The following RPL17 variants were observed in gnomAD, a reference collection of about 807,000 sequenced individuals.
The protein encoded by RPL17 is large ribosomal subunit protein uL22.
In RPL17, 2 loss-of-function variants were observed where a neutral mutation model predicts 27.7. That is an observed-to-expected ratio of 0.07 (90% confidence interval 0.03 to 0.23). The LOEUF (loss-of-function observed/expected upper bound fraction) is 0.23. Ranked by LOEUF, RPL17 falls within the 10% of genes least tolerant of loss-of-function variation. The pLI is 1.00. For missense variants in RPL17, 141 were observed against 238.8 expected (o/e 0.59, Z 2.70); for synonymous variants, 76 against 75.5 (o/e 1.01, Z -0.03).
chr18:49,489,344 C>A lies in RPL17; in HGVS notation c.507+15G>T. Reference sequence around the variant, plus strand: ...TTCTACTATCACAAACAAAACCGAGCAACTACTTATTTACCTTTTTCTTCT... The same window carrying A: ...TTCTACTATCACAAACAAAACCGAGAAACTACTTATTTACCTTTTTCTTCT... On this transcript the variant is annotated intron_variant, in intron 6 of 6. Transcript: ENST00000580261. 1 of 1,613,664 alleles carries A rather than the reference C, an allele frequency of 6.2e-7. No homozygotes were observed. Among genetic ancestry groups the A allele is most frequent in the South Asian group, 1.1e-5 (1 of 91,048 alleles).
In RPL17 at chr18:49,489,343, G is replaced by C. The variant is rs747825273; in HGVS notation, c.507+16C>G. 1.2e-6 allele frequency: 2 copies of C among 1,613,608 alleles called. No individual in the cohort carries two copies. The highest frequency in any genetic ancestry group is 8.5e-7 in the Non-Finnish European group (1 of 1,179,684). On this transcript the variant is annotated intron_variant, in intron 6 of 6. Transcript: ENST00000580261. ...TTTCTACTATCACAAACAAAACCGAGCAACTACTTATTTACCTTTTTCTTC... is the reference window on the plus strand; with the variant it reads ...TTTCTACTATCACAAACAAAACCGACCAACTACTTATTTACCTTTTTCTTC...
At chr18:49,489,800 A>G (rs1178682372) in intron 5 of RPL17, among the ~76,000 whole-genome samples, 1 of 152,306 alleles carries the variant, frequency 6.6e-6, no homozygotes, top group East Asian at 1.9e-4. Context: ...GGCCTTCCCA[A>G]AGATCCTTAG....
chr18:49,490,332 A>C, intron 5 of RPL17, 122 bp downstream of exon 5: 1 of 1,051,832 alleles, frequency 9.5e-7, no homozygotes, highest in Non-Finnish European at 1.3e-6. Context: ...AACTGCAGGT[A>C]GAAATTTAAA....
At chr18:49,488,594 C>G in intron 6 of RPL17, 28 bp from the exon 7 acceptor site, 1 of 1,377,086 alleles carries the variant, frequency 7.3e-7, no homozygotes, top group Non-Finnish European at 1.0e-6. Context: ...TGTTAAGTTT[C>G]TTAGAGAAAA....
chr18:49,490,223 T>C, intron 5 of RPL17: 3 of 474,882 alleles, frequency 6.3e-6, no homozygotes, highest in South Asian at 2.6e-5. Context: ...TACTAAGTGT[T>C]AGGCTTAAAG....
intron 5 of RPL17, chr18:49,490,244 G>C: frequency 1.8e-6 from 1 of 549,396 alleles, no homozygotes; most frequent in Non-Finnish European, 3.2e-6. Flanking sequence ...AGACCACAGA[G>C]CACGCTTCTG....
At chr18:49,491,970 T>C (rs1319130700) in intron 1 of RPL17, 2 of 369,418 alleles carry the variant, frequency 5.4e-6, no homozygotes, top group African/African-American at 4.2e-5. Context: ...ACCCCTTTGC[T>C]GTCAGGGCTG....
In RPL17 at chr18:49,491,517, C is replaced by G; in HGVS notation, c.40+15G>C. Reference sequence around the variant, plus strand: ...CCCCAAGTAGGAAATGGGTATCTACCTCCTGTCCACTTACATTTCGTGGGG... The same window carrying G: ...CCCCAAGTAGGAAATGGGTATCTACGTCCTGTCCACTTACATTTCGTGGGG... On this transcript the variant is annotated intron_variant, in intron 2 of 6. Transcript: ENST00000580261. The G allele has an allele frequency of 5.6e-6, 9 of 1,614,156 alleles. No individual in the cohort carries two copies. Among genetic ancestry groups the G allele is most frequent in the Non-Finnish European group, 7.6e-6 (9 of 1,180,034 alleles).
chr18:49,491,335 G>A, intron 3 of RPL17, 70 bp downstream of exon 3: 1 of 1,606,124 alleles, frequency 6.2e-7, no homozygotes, highest in Non-Finnish European at 8.5e-7. Flanking sequence ...TCCTAAGAAA[G>A]TCATCACTGC....
At chr18:49,489,202 C>T in intron 6 of RPL17, 157 bp downstream of exon 6, 1 of 747,780 alleles carries the variant, frequency 1.3e-6, no homozygotes, top group Non-Finnish European at 2.1e-6. Flanking sequence ...TATTATTAGT[C>T]AAGAAACAAA....
chr18:49,490,303 A>C, intron 5 of RPL17, 151 bp downstream of exon 5: 1 of 830,552 alleles, frequency 1.2e-6, no homozygotes, highest in Non-Finnish European at 1.8e-6. Flanking sequence ...AATAAAAGGA[A>C]ATAGTTTCAT....
chr18:49,491,855 G>A (rs2084116294), intron 1 of RPL17: 4 of 610,762 alleles, frequency 6.5e-6, no homozygotes, highest in African/African-American at 5.5e-5. Context: ...AATACAGCCT[G>A]TTTCAATCCA....
At chr18:49,491,618 G>C (rs371793698) in intron 1 of RPL17, 34 bp from the exon 2 acceptor site, 47 of 1,606,600 alleles carry the variant, frequency 2.9e-5, no homozygotes, top group Non-Finnish European at 3.7e-5. Flanking sequence ...CTGTCAATAC[G>C]TACTTACAGT....
At position 49,491,594 on chromosome 18, in the gene RPL17, A is replaced by G. The variant is rs767403892; in HGVS notation, c.-13-10T>C. The G allele has an allele frequency of 2.1e-5, 34 of 1,614,194 alleles. No homozygotes were observed. The highest frequency in any genetic ancestry group is 2.9e-5 in the Non-Finnish European group (34 of 1,180,034). ...CATTTTCACAGATCACCTAGAGGAA[A>G]GTACAGTGTAATTCTGTCAATACGT... On this transcript the variant is annotated splice_polypyrimidine_tract_variant and intron_variant, in intron 1 of 6. Coordinates refer to ENST00000580261, the MANE Select transcript of RPL17 (RefSeq NM_001035006.5).
At chr18:49,488,959 C>T (rs958472847) in intron 6 of RPL17, among the ~76,000 whole-genome samples, 2 of 151,084 alleles carry the variant, frequency 1.3e-5, no homozygotes, top group Non-Finnish European at 2.9e-5. Context: ...AGTGCAGTGG[C>T]GCGATCTCGG....
Position 49,491,528 on chromosome 18 carries a change from T to G in RPL17, c.40+4A>C. ...AAATGGGTATCTACCTCCTGTCCACTTACATTTCGTGGGGTTCTCCGGGTC... is the reference window on the plus strand; with the variant it reads ...AAATGGGTATCTACCTCCTGTCCACGTACATTTCGTGGGGTTCTCCGGGTC... On this transcript the variant is annotated splice_donor_region_variant and intron_variant, in intron 2 of 6. Transcript: ENST00000580261. 6.2e-7 allele frequency: 1 copy of G among 1,614,204 alleles called. No individual in the cohort carries two copies. Among genetic ancestry groups the G allele is most frequent in the Non-Finnish European group, 8.5e-7 (1 of 1,180,038 alleles).
rs775228974 is a variant in RPL17, at chr18:49,489,534, G to T, written c.332C>A (p.Ser111Tyr). 2 of 1,600,340 alleles carry T rather than the reference G, an allele frequency of 1.2e-6. No individual in the cohort carries two copies. The highest frequency in any genetic ancestry group is 1.7e-6 in the Non-Finnish European group (2 of 1,179,822). ...CACTTGGATATGCTCAATGACCAGAGAATCTACATCTAAACCCTGGGGAAG... is the reference window on the plus strand; with the variant it reads ...CACTTGGATATGCTCAATGACCAGATAATCTACATCTAAACCCTGGGGAAG... ...NAELKGLDVD[S>Y]LVIEHIQVNK... is the part of the protein sequence containing the mutation. The change falls in exon 6 of 7, where the codon TCT becomes TAT. Residue 111 changes from serine to tyrosine, a missense_variant. Around this residue, in one of 2 missense-constraint regions of RPL17, gnomAD observed 107 missense variants for 150.1 expected, o/e 0.71. Coordinates refer to ENST00000580261, the MANE Select transcript of RPL17 (RefSeq NM_001035006.5).
At chr18:49,491,759 T>TCCCC in intron 1 of RPL17, 175 bp from the exon 2 acceptor site, 1 of 859,330 alleles carries the variant, frequency 1.2e-6, no homozygotes. Flanking sequence ...GGGCTTGCTT[T>TCCCC]CCCTTTTATC....
At chr18:49,491,506 T>G in intron 2 of RPL17, 26 bp downstream of exon 2, 5 of 1,614,160 alleles carry the variant, frequency 3.1e-6, no homozygotes, top group African/African-American at 1.3e-5. Flanking sequence ...AAGTAGGAAA[T>G]GGGTATCTAC....
Sources: gnomAD v4.1 joint callset for allele counts (sites outside exome capture counted in the v4.1 genomes callset) on GRCh38, gnomAD v4.1.1 for gene constraint, gnomAD v4.1.1 regional missense constraint, MANE v1.5 for transcripts, NCBI Gene and HGNC (gene_info 2026-07-23, HGNC 2026-07-21) for gene names.